The following ESS2 variants were observed in gnomAD, a reference collection of about 807,000 sequenced individuals.
ESS2 encodes ess-2 spliceosome associated protein.
In ESS2, 31 loss-of-function variants were observed where a neutral mutation model predicts 52.0. The ratio of observed to expected loss-of-function variants is 0.60; its 90% confidence interval spans 0.45 to 0.81. The LOEUF is 0.81. Among genes scored for constraint, ESS2 ranks in the 30% least tolerant of loss-of-function variants. The probability of loss-of-function intolerance (pLI) is 0.00; values close to 1 mark genes in which losing one functional copy is unlikely to be tolerated. For missense variants in ESS2, 602 were observed against 637.2 expected (o/e 0.94, Z 0.59); for synonymous variants, 285 against 259.2 (o/e 1.10, Z -0.95).
chr22:19,141,490 G>A (rs2083685483), intron 3 of ESS2, among the ~76,000 whole-genome samples: 1 of 152,196 alleles, frequency 6.6e-6, no homozygotes, highest in African/African-American at 2.4e-5. Flanking sequence ...AAGTCACGAT[G>A]TTACCATATA....
chr22:19,143,220 A>AC (rs397941061), intron 1 of ESS2, among the ~76,000 whole-genome samples: 1 of 150,130 alleles, frequency 6.7e-6, no homozygotes, highest in African/African-American at 2.5e-5. Flanking sequence ...AAAAAAAAAA[A>AC]GAAAAAAGAA....
Position 19,130,510 on chromosome 22 carries a change from CT to C in ESS2, c.*3685del. Reference sequence around the variant, plus strand: ...AGTCCGATTAAAAGGGGCCCAGTGCCTTCAAGGCCTGTCTACTGTGGTACCG... The same window carrying C: ...AGTCCGATTAAAAGGGGCCCAGTGCCTCAAGGCCTGTCTACTGTGGTACCG... On this transcript the variant is annotated 3_prime_UTR_variant, in exon 10 of 10. Coordinates refer to ENST00000252137, the MANE Select transcript of ESS2 (RefSeq NM_022719.3). The C allele has an allele frequency of 2.7e-6, 1 of 365,754 alleles. No homozygotes were observed. The highest frequency in any genetic ancestry group is 2.3e-5 in the South Asian group (1 of 43,080). 22.7% of individuals were successfully genotyped at this position (365,754 alleles called of 1,614,324 possible).
At position 19,132,282 on chromosome 22, in the gene ESS2, G is replaced by A. The variant is rs764779842; in HGVS notation, c.*1914C>T. ...GAGGGAGGGGGAGGGCAAGTACCGC[G>A]CTGAGTGCAAACTGGACACCAAGAC... On this transcript the variant is annotated 3_prime_UTR_variant, in exon 10 of 10. Coordinates refer to ENST00000252137, the MANE Select transcript of ESS2 (RefSeq NM_022719.3). This position sits in a 1 kb window ranked among gnomAD's most constrained non-coding sequence, Gnocchi z 4.2. 15 of 1,613,328 alleles carry A rather than the reference G, an allele frequency of 9.3e-6. No homozygotes were observed. The highest frequency in any genetic ancestry group is 5.3e-5 in the African/African-American group (4 of 74,902).
In ESS2 at chr22:19,135,305, C is replaced by T. The variant is rs114555893; in HGVS notation, c.1036-130G>A. On this transcript the variant is annotated intron_variant, in intron 8 of 9. Coordinates refer to ENST00000252137, the MANE Select transcript of ESS2 (RefSeq NM_022719.3). ...CTACAAAACCCCCACAACCCATCAC[C>T]TCCCACTAAAAGCCCCTGGAAAGCC... is the stretch of plus-strand genomic sequence containing the variant. 1,302 of 694,606 alleles carry T rather than the reference C, an allele frequency of 1.9e-3. 13 individuals are homozygous for T. The African/African-American group carries it at 0.021, about 11-fold the overall frequency. The allele number at this position is 694,606 out of a possible 1,614,324, so 43.0% of individuals were successfully genotyped here.
rs776936568 is a variant in ESS2 at position 19,132,478 on chromosome 22, A to T, written c.*1718T>A. On this transcript the variant is annotated 3_prime_UTR_variant, in exon 10 of 10. Transcript: ENST00000252137. This position sits in a 1 kb window ranked among gnomAD's most constrained non-coding sequence, Gnocchi z 4.2. ...GAGGTGGGGAAAGCAAGCACCTAGC[A>T]TGACAATGGCCCCGTTGTGTGTGGT... 1.7e-5 allele frequency: 27 copies of T among 1,605,288 alleles called. No individual in the cohort carries two copies. The highest frequency in any genetic ancestry group is 2.3e-5 in the Non-Finnish European group (27 of 1,175,258).
chr22:19,139,221 C>T lies in ESS2; in HGVS notation c.760G>A (p.Asp254Asn). Reference sequence around the variant, plus strand: ...CTGCTCAGGGCTTGGCTGAAGGGGTCCCTAAGGAAGCGCGTGTTCTTATGT... The same window carrying T: ...CTGCTCAGGGCTTGGCTGAAGGGGTTCCTAAGGAAGCGCGTGTTCTTATGT... ...VVHKNTRFLRDPFSQALSRCQ... is the reference protein window; with the variant it reads ...VVHKNTRFLRNPFSQALSRCQ... Residue 254 changes from aspartate to asparagine, a missense_variant, in exon 6 of 10, where the codon GAC becomes AAC. By Grantham distance (23) the Asp-to-Asn change is conservative (BLOSUM62 1). Coordinates refer to ENST00000252137, the MANE Select transcript of ESS2 (RefSeq NM_022719.3). 1 of 1,608,804 alleles carries T rather than the reference C, an allele frequency of 6.2e-7. No homozygotes were observed.
intron 6 of ESS2, 178 bp from the exon 7 acceptor site, chr22:19,138,495 A>G (rs1026327861): frequency 2.7e-6 from 2 of 727,284 alleles, no homozygotes; most frequent in African/African-American, 1.7e-5. Context: ...CCAACCCCCC[A>G]AAAGACCTTG....
Position 19,136,031 on chromosome 22 carries a change from T to TTA in ESS2, c.1036-857_1036-856insTA, listed in dbSNP as rs1555914465. Among the ~76,000 whole-genome samples the TTA allele has an allele frequency of 5.9e-3, 547 of 92,540 alleles. 7 individuals are homozygous for TTA. The highest frequency in any genetic ancestry group is 0.022 in the African/African-American group (500 of 22,852). 60.7% of individuals were successfully genotyped at this position (92,540 alleles called of 152,430 possible). ...GGCAACAGAGTGAAACCCTATCTGT[T>TTA]AAAAAAAAAAAAAAAAAAAAAAAAG... On this transcript the variant is annotated intron_variant, in intron 8 of 9. Coordinates refer to ENST00000252137, the MANE Select transcript of ESS2 (RefSeq NM_022719.3).
chr22:19,143,202 C>CAAAA (rs10632625), intron 1 of ESS2, among the ~76,000 whole-genome samples: 3 of 112,990 alleles, frequency 2.7e-5, no homozygotes, highest in East Asian at 2.5e-4. Flanking sequence ...GAGACCGTCT[C>CAAAA]AAAAAAAAAA....
Position 19,144,329 on chromosome 22 carries a change from C to T in ESS2, c.135+177G>A, listed in dbSNP as rs2083747203. 4 of 1,412,472 alleles carry T rather than the reference C, an allele frequency of 2.8e-6. No homozygotes were observed. The East Asian group carries it at 8.4e-5, about 30-fold the overall frequency. The allele number at this position is 1,412,472 out of a possible 1,614,324, so 87.5% of individuals were successfully genotyped here. On this transcript the variant is annotated intron_variant, in intron 1 of 9. Coordinates refer to ENST00000252137, the MANE Select transcript of ESS2 (RefSeq NM_022719.3). ...TTTTCCCTGACAACACTACTACAGC[C>T]TCTTCCACCACAGACGTCTTCCTCT...
Position 19,133,428 on chromosome 22 carries a change from C to A in ESS2, c.*768G>T, listed in dbSNP as rs1251899379. On this transcript the variant is annotated 3_prime_UTR_variant, in exon 10 of 10. Transcript: ENST00000252137. ...AGCAACCCACTGTTATCTGGGAGCT[C>A]CTGTTGGTGGAAGTGACCAGGTGAG... 1 of 152,952 alleles carries A rather than the reference C, an allele frequency of 6.5e-6. No homozygotes were observed. The highest frequency in any genetic ancestry group is 1.5e-5 in the Non-Finnish European group (1 of 68,670). 9.5% of individuals were successfully genotyped at this position (152,952 alleles called of 1,614,324 possible). A position where few individuals can be genotyped will look rare whatever the true frequency, so the allele number is the denominator to read the frequency against.
At chr22:19,142,433 A>T in intron 3 of ESS2, 105 bp downstream of exon 3, 1 of 1,023,346 alleles carries the variant, frequency 9.8e-7, no homozygotes, top group Non-Finnish European at 1.4e-6. Context: ...CCCCTCAGGA[A>T]CAAGATGTGG....
chr22:19,143,345 G>A (rs549728319), intron 1 of ESS2, among the ~76,000 whole-genome samples: 2 of 152,264 alleles, frequency 1.3e-5, no homozygotes, highest in South Asian at 4.1e-4. Flanking sequence ...CTGGATTGAG[G>A]GAGCTTGAGG....
Position 19,144,586 on chromosome 22 carries a change from G to A in ESS2, c.55C>T (p.Pro19Ser). ...SSLLLPAASRPPRKREAGEAG... is the reference protein window; with the variant it reads ...SSLLLPAASRSPRKREAGEAG... ...TCTCCCGCCTCGCGCTTCCTCGGGG[G>A]CCTGGACGCGGCGGGAAGCAACAAG... Residue 19 changes from proline (P) to serine (S), a missense_variant, in exon 1 of 10, where the codon CCC (proline) becomes TCC (serine). Pro to Ser is a moderately conservative substitution (Grantham distance 74). Transcript: ENST00000252137. 2 of 1,600,898 alleles carry A rather than the reference G, an allele frequency of 1.2e-6. No homozygotes were observed. The highest frequency in any genetic ancestry group is 1.7e-6 in the Non-Finnish European group (2 of 1,172,890).
In ESS2 at chr22:19,131,743, A is replaced by G; in HGVS notation, c.*2453T>C. On this transcript the variant is annotated 3_prime_UTR_variant, in exon 10 of 10. Coordinates refer to ENST00000252137, the MANE Select transcript of ESS2 (RefSeq NM_022719.3). The surrounding 1 kb of genome is among the most constrained non-coding windows in gnomAD (Gnocchi z 5.7). Reference sequence around the variant, plus strand: ...GCCCTGCATGAGGACGTGGCACGCAAGATGTTCCGACAGCTCTCCTCCGCC... The same window carrying G: ...GCCCTGCATGAGGACGTGGCACGCAGGATGTTCCGACAGCTCTCCTCCGCC... The G allele has an allele frequency of 6.2e-7, 1 of 1,614,022 alleles. No individual in the cohort carries two copies.
intron 8 of ESS2, among the ~76,000 whole-genome samples, chr22:19,136,031 T>TAAAAAAAAAAA (rs377121962): frequency 3.2e-5 from 3 of 92,544 alleles, no homozygotes; most frequent in African/African-American, 1.3e-4. Context: ...CCCTATCTGT[T>TAAAAAAAAAAA]AAAAAAAAAA....
In ESS2 at chr22:19,144,544, T is replaced by C; in HGVS notation, c.97A>G (p.Ser33Gly). Residue 33 changes from serine (S) to glycine (G), a missense_variant, in exon 1 of 10, where the codon AGC becomes GGC. Ser to Gly is a moderately conservative substitution (Grantham distance 56). Transcript: ENST00000252137. ...TCCTCGTCCAGGACCCGCTGCTTGC[T>C]CGTCGCAGCCCCAGCCTCTCCCGCC... is the stretch of plus-strand genomic sequence containing the variant. ...REAGEAGAATSKQRVLDEEEY... is the reference protein window; with the variant it reads ...REAGEAGAATGKQRVLDEEEY... The C allele has an allele frequency of 6.2e-7, 1 of 1,609,362 alleles. No homozygotes were observed. The highest frequency in any genetic ancestry group is 8.5e-7 in the Non-Finnish European group (1 of 1,178,224).
At chr22:19,135,689 A>G (rs888321396) in intron 8 of ESS2, among the ~76,000 whole-genome samples, 2 of 151,980 alleles carry the variant, frequency 1.3e-5, no homozygotes, top group African/African-American at 2.4e-5. Flanking sequence ...TTCATTTGTG[A>G]TTTCTTCCTT....
intron 1 of ESS2, 65 bp downstream of exon 1, chr22:19,144,441 A>G (rs1401831378): frequency 2.6e-5 from 42 of 1,605,478 alleles, no homozygotes; most frequent in Non-Finnish European, 3.4e-5. Flanking sequence ...GAGAGAGGGA[A>G]CCTGAGAGGA....
Sources: allele counts gnomAD v4.1 joint callset (sites outside exome capture counted in the v4.1 genomes callset), GRCh38; gene constraint gnomAD v4.1.1; non-coding constraint Gnocchi (gnomAD v3.1); transcripts MANE v1.5; gene names NCBI Gene and HGNC (gene_info 2026-07-23, HGNC 2026-07-21).